The following ENTPD1 variants were observed in gnomAD, a reference collection of about 807,000 sequenced individuals.
ENTPD1 encodes ectonucleoside triphosphate diphosphohydrolase 1.
Under a neutral mutation model 57.0 loss-of-function variants are expected in ENTPD1, and 33 were observed. That is an observed-to-expected ratio of 0.58 (90% CI 0.44 to 0.77). The LOEUF is 0.77. Among genes scored for constraint, ENTPD1 ranks in the 30% least tolerant of loss-of-function variants. The pLI is 0.00. For missense variants in ENTPD1, 501 were observed against 603.4 expected (o/e 0.83, Z 1.78); for synonymous variants, 202 against 218.8 (o/e 0.92, Z 0.68).
At chr10:95,721,257 A>G (rs1016175327) in intron 1 of ENTPD1, among the ~76,000 whole-genome samples, 6 of 152,222 alleles carry the variant, frequency 3.9e-5, no homozygotes, top group African/African-American at 7.2e-5. Context: ...CTACTAGCAC[A>G]TAAGTTAGCA....
chr10:95,786,894 A>G (rs1051367838), intron 1 of ENTPD1, among the ~76,000 whole-genome samples: 12 of 152,190 alleles, frequency 7.9e-5, no homozygotes, highest in Non-Finnish European at 2.9e-5. Flanking sequence ...CATTGAATTT[A>G]TGGTTCATAT....
At chr10:95,702,194 C>G in the ENTPD1 span, among the ~76,000 whole-genome samples, 2 of 151,674 alleles carry the variant, frequency 1.3e-5, no homozygotes, top group Non-Finnish European at 2.9e-5. Context: ...AATATTAGGT[C>G]CCAATAAGAG....
chr10:95,776,426 G>A (rs566384250), intron 1 of ENTPD1, among the ~76,000 whole-genome samples: 1 of 152,152 alleles, frequency 6.6e-6, no homozygotes, highest in Non-Finnish European at 1.5e-5. Flanking sequence ...ATGAAATTAT[G>A]GGTTGAAAAT....
rs1471082528 is a variant in ENTPD1, at chr10:95,876,379, C to G, written c.*9996C>G. On this transcript the variant is annotated 3_prime_UTR_variant, in exon 10 of 10. Transcript: ENST00000371205. ...TAGAATGAACTACTCAGCACCAATT[C>G]TAAGTTTTTCTTGATGGTAAATCAT... The G allele has an allele frequency of 2.4e-6, 3 of 1,231,248 alleles. No individual in the cohort carries two copies. In the African/African-American group the frequency reaches 4.7e-5, roughly 19 times the overall value. The allele number at this position is 1,231,248 out of a possible 1,614,324, so 76.3% of individuals were successfully genotyped here. A position where few individuals can be genotyped will look rare whatever the true frequency, so the allele number is the denominator to read the frequency against.
Position 95,873,702 on chromosome 10 carries a change from G to A in ENTPD1, c.*7319G>A. On this transcript the variant is annotated 3_prime_UTR_variant, in exon 10 of 10. Transcript: ENST00000371205. ...AGATTGGTTTTTAAAAACTATGATTGTATTAGTTCGTTTCCATGCTGCTGA... is the reference window on the plus strand; with the variant it reads ...AGATTGGTTTTTAAAAACTATGATTATATTAGTTCGTTTCCATGCTGCTGA... The A allele has an allele frequency of 1.0e-6, 1 of 984,342 alleles. No homozygotes were observed. Among genetic ancestry groups the A allele is most frequent in the Non-Finnish European group, 1.2e-6 (1 of 828,980 alleles). 61.0% of individuals were successfully genotyped at this position (984,342 alleles called of 1,614,324 possible). A position where few individuals can be genotyped will look rare whatever the true frequency, so the allele number is the denominator to read the frequency against.
Position 95,868,062 on chromosome 10 carries a change from G to C in ENTPD1, c.*1679G>C, listed in dbSNP as rs1009106080. 2 of 984,254 alleles carry C rather than the reference G, an allele frequency of 2.0e-6. No individual in the cohort carries two copies. The allele number at this position is 984,254 out of a possible 1,614,324, so 61.0% of individuals were successfully genotyped here. On this transcript the variant is annotated 3_prime_UTR_variant, in exon 10 of 10. Transcript: ENST00000371205. ...TGGTTGAGCATTTGTGGTGTACCAC[G>C]CTGTGTGCTCAAGGGTATTACATTC... is the stretch of plus-strand genomic sequence containing the variant.
chr10:95,747,688 T>C (rs12761960), intron 1 of ENTPD1, among the ~76,000 whole-genome samples: 13,144 of 152,222 alleles, frequency 0.086, 695 homozygotes, highest in Middle Eastern at 0.16. Flanking sequence ...TGTATGGTCC[T>C]TCCTGATTTC....
rs1482565645 is a variant in ENTPD1, at chr10:95,832,263, C to G, written c.145-7428C>G. ...GATCCTAGTTCCCCACTCTTACCCTCAGAGCCTTCTCAGTTTGAACCTCCA... is the reference window on the plus strand; with the variant it reads ...GATCCTAGTTCCCCACTCTTACCCTGAGAGCCTTCTCAGTTTGAACCTCCA... On this transcript the variant is annotated intron_variant, in intron 2 of 9. Transcript: ENST00000371205. 3.9e-5 allele frequency among the ~76,000 whole-genome samples: 6 copies of G among 152,300 alleles called. No individual in the cohort carries two copies. In the East Asian group the frequency reaches 9.6e-4, roughly 24 times the overall value.
chr10:95,762,376 G>A (rs1055847405), intron 1 of ENTPD1, among the ~76,000 whole-genome samples: 8 of 149,004 alleles, frequency 5.4e-5, no homozygotes, highest in African/African-American at 2.0e-4. Flanking sequence ...ATATTTTGGT[G>A]CCATTTCCTG....
chr10:95,750,203 TTGTGTC>T (rs1170306025), intron 1 of ENTPD1, among the ~76,000 whole-genome samples: 1 of 152,152 alleles, frequency 6.6e-6, no homozygotes, highest in Non-Finnish European at 1.5e-5. Flanking sequence ...AGCACAGTGT[TTGTGTC>T]TGTGGGAAAG....
exon 1 of ENTPD1, chr10:95,711,920 AG>A: frequency 1.2e-6 from 2 of 1,612,452 alleles, no homozygotes; most frequent in African/African-American, 2.7e-5. Context: ...TGCTGTGAAC[AG>A]GATACCAAAG....
In ENTPD1 at chr10:95,871,931, G is replaced by A. The variant is rs2098480913; in HGVS notation, c.*5548G>A. 5.1e-6 allele frequency: 5 copies of A among 985,300 alleles called. No homozygotes were observed. The highest frequency in any genetic ancestry group is 4.7e-5 in the South Asian group (1 of 21,292). The allele number at this position is 985,300 out of a possible 1,614,324, so 61.0% of individuals were successfully genotyped here. On this transcript the variant is annotated 3_prime_UTR_variant, in exon 10 of 10. Coordinates refer to ENST00000371205, the MANE Select transcript of ENTPD1 (RefSeq NM_001776.6). Reference sequence around the variant, plus strand: ...AGTCTTGGGAGCTAGTCAGGGAATAGTGTGTATTTGCAATTACCTAAACTG... The same window carrying A: ...AGTCTTGGGAGCTAGTCAGGGAATAATGTGTATTTGCAATTACCTAAACTG...
At chr10:95,838,801 G>A (rs1271815518) in intron 2 of ENTPD1, among the ~76,000 whole-genome samples, 3 of 152,040 alleles carry the variant, frequency 2.0e-5, no homozygotes, top group Non-Finnish European at 4.4e-5. Flanking sequence ...TCCTTAAAAG[G>A]GGGCACCAAT....
intron 1 of ENTPD1, among the ~76,000 whole-genome samples, chr10:95,809,061 A>T (rs1414872900): frequency 6.6e-6 from 1 of 152,188 alleles, no homozygotes; most frequent in Non-Finnish European, 1.5e-5. Flanking sequence ...GATTAACAGC[A>T]TCCCAAGGCA....
At chr10:95,758,135 T>C (rs1173773765) in intron 1 of ENTPD1, among the ~76,000 whole-genome samples, 1 of 151,840 alleles carries the variant, frequency 6.6e-6, no homozygotes, top group African/African-American at 2.4e-5. Flanking sequence ...CTGCGCCTCA[T>C]TGAGTTGCTT....
chr10:95,830,819 A>G (rs554307612), intron 2 of ENTPD1, among the ~76,000 whole-genome samples: 5 of 152,294 alleles, frequency 3.3e-5, no homozygotes, highest in Admixed American at 2.6e-4. Context: ...AAGAAAAAAA[A>G]GCCCAGGGAC....
chr10:95,828,122 G>A (rs2098384126), intron 2 of ENTPD1, among the ~76,000 whole-genome samples: 2 of 152,172 alleles, frequency 1.3e-5, no homozygotes, highest in African/African-American at 4.8e-5. Flanking sequence ...ACGCGAGCGA[G>A]CAAAGCTTCA....
intron 6 of ENTPD1, chr10:95,846,154 G>A (rs1454169995): frequency 6.3e-6 from 1 of 159,104 alleles, no homozygotes; most frequent in African/African-American, 2.4e-5. Context: ...GATCACTTGA[G>A]GTCAGGAGTT....
At chr10:95,844,815 C>T (rs938121197) in intron 5 of ENTPD1, 180 bp downstream of exon 5, 2 of 761,878 alleles carry the variant, frequency 2.6e-6, no homozygotes, top group South Asian at 3.0e-5. Context: ...GTATAATTCT[C>T]TTACAAGACC....
Sources: allele counts gnomAD v4.1 joint callset (sites outside exome capture counted in the v4.1 genomes callset), GRCh38; gene constraint gnomAD v4.1.1; transcripts MANE v1.5; gene names NCBI Gene and HGNC (gene_info 2026-07-23, HGNC 2026-07-21).